SMARCC1: variants seen among roughly 807,000 people sequenced by gnomAD.
The protein encoded by SMARCC1 is SWI/SNF complex subunit SMARCC1.
In SMARCC1, 43 loss-of-function variants were observed where a neutral mutation model predicts 147.4. That is an observed-to-expected ratio of 0.29 (90% confidence interval 0.23 to 0.38). SMARCC1 has a LOEUF of 0.38. Among genes scored for constraint, SMARCC1 ranks in the 10% least tolerant of loss-of-function variants. SMARCC1 has a pLI of 1.00. For synonymous variants in SMARCC1, 495 were observed against 484.4 expected (o/e 1.02, Z -0.29); for missense variants, 1,119 against 1,381.1 (o/e 0.81, Z 3.01).
intron 2 of SMARCC1, among the ~76,000 whole-genome samples, chr3:47,749,358 T>C (rs1218913862): frequency 1.3e-5 from 2 of 151,406 alleles, no homozygotes; most frequent in African/African-American, 2.4e-5. Flanking sequence ...TAAATATATA[T>C]AAAATTTTAA....
chr3:47,770,298 C>G (rs1170741339), intron 2 of SMARCC1, among the ~76,000 whole-genome samples: 1 of 151,724 alleles, frequency 6.6e-6, no homozygotes. Context: ...AAAGCCAAGG[C>G]AGGAAGATCA....
At chr3:47,707,136 G>A (rs1213789085) in intron 9 of SMARCC1, among the ~76,000 whole-genome samples, 2 of 151,762 alleles carry the variant, frequency 1.3e-5, no homozygotes, top group South Asian at 4.2e-4. Flanking sequence ...CACAGGGAAA[G>A]CCCATCTCTA....
At chr3:47,700,697 A>G (rs574566340) in intron 11 of SMARCC1, among the ~76,000 whole-genome samples, 3 of 152,116 alleles carry the variant, frequency 2.0e-5, no homozygotes, top group South Asian at 4.2e-4. Flanking sequence ...GCTAATTTCT[A>G]TATTTTTAGT....
chr3:47,587,367 T>TG lies in SMARCC1; in HGVS notation c.*841dup, dbSNP rs889861159. On this transcript the variant is annotated 3_prime_UTR_variant, in exon 28 of 28. Transcript: ENST00000254480. ...CAGGCTAGTTGAGGAAACTAAGGAATGCCTCCCAATATTCCAACCCTCAAA... is the reference window on the plus strand; with the variant it reads ...CAGGCTAGTTGAGGAAACTAAGGAATGGCCTCCCAATATTCCAACCCTCAAA... 6.6e-6 allele frequency: 1 copy of TG among 152,182 alleles called. No individual in the cohort carries two copies. The highest frequency in any genetic ancestry group is 1.5e-5 in the Non-Finnish European group (1 of 68,042). 9.4% of individuals were successfully genotyped at this position (152,182 alleles called of 1,614,324 possible).
At chr3:47,659,198 A>C (rs1161733445) in intron 21 of SMARCC1, among the ~76,000 whole-genome samples, 1 of 151,436 alleles carries the variant, frequency 6.6e-6, no homozygotes, top group Admixed American at 6.6e-5. Flanking sequence ...CGATGGCTTT[A>C]CCAGTGAATA....
intron 6 of SMARCC1, among the ~76,000 whole-genome samples, chr3:47,721,339 T>C (rs988848747): frequency 1.3e-5 from 2 of 152,184 alleles, no homozygotes; most frequent in African/African-American, 4.8e-5. Context: ...TGATTACATA[T>C]TGTAGACTTT....
chr3:47,648,554 G>T (rs1398611171), intron 21 of SMARCC1, among the ~76,000 whole-genome samples: 1 of 151,550 alleles, frequency 6.6e-6, no homozygotes, highest in Non-Finnish European at 1.5e-5. Flanking sequence ...ATCTGGCTAG[G>T]TTTTTTTTCT....
intron 2 of SMARCC1, among the ~76,000 whole-genome samples, chr3:47,747,618 T>C (rs2034580882): frequency 6.6e-6 from 1 of 150,674 alleles, no homozygotes; most frequent in Non-Finnish European, 1.5e-5. Flanking sequence ...GGTGACAGAG[T>C]GTGACCTTAT....
intron 16 of SMARCC1, among the ~76,000 whole-genome samples, chr3:47,677,401 GTTT>G (rs34045811): frequency 5.7e-5 from 8 of 141,030 alleles, no homozygotes; most frequent in Admixed American, 1.4e-4. Flanking sequence ...ATGCCTGGCC[GTTT>G]TTTTTTTTTT....
At chr3:47,701,210 A>C in intron 11 of SMARCC1, 68 bp downstream of exon 11, 1 of 1,372,260 alleles carries the variant, frequency 7.3e-7, no homozygotes, top group Non-Finnish European at 1.0e-6. Flanking sequence ...GCAAGCAATG[A>C]ATCATCCCAT....
chr3:47,744,065 C>T (rs963302992), intron 3 of SMARCC1, among the ~76,000 whole-genome samples: 5 of 152,108 alleles, frequency 3.3e-5, no homozygotes, highest in Non-Finnish European at 5.9e-5. Flanking sequence ...GGAATACCAT[C>T]GTGAGAGGTC....
chr3:47,641,975 G>A (rs916613345), intron 21 of SMARCC1, among the ~76,000 whole-genome samples: 5 of 152,034 alleles, frequency 3.3e-5, no homozygotes, highest in African/African-American at 9.7e-5. Flanking sequence ...TAGTTTCACC[G>A]TAATGCTCAG....
chr3:47,753,325 C>CA (rs35435595), intron 2 of SMARCC1, among the ~76,000 whole-genome samples: 32,779 of 92,554 alleles, frequency 0.35, 4,602 homozygotes, highest in South Asian at 0.47. Flanking sequence ...ACTCCATCTC[C>CA]AAAAAAAAAA....
chr3:47,776,125 G>A (rs2034972223), intron 1 of SMARCC1, among the ~76,000 whole-genome samples: 2 of 152,270 alleles, frequency 1.3e-5, no homozygotes, highest in Non-Finnish European at 2.9e-5. Context: ...TCAAGCCTGG[G>A]TGACAAAGCG....
At chr3:47,600,997 A>AGGAGAG (rs1559622849) in intron 26 of SMARCC1, among the ~76,000 whole-genome samples, 6 of 28,880 alleles carry the variant, frequency 2.1e-4, no homozygotes, top group Non-Finnish European at 3.4e-4. Context: ...GAGGAAGAAA[A>AGGAGAG]TGAGAGAGAG....
intron 11 of SMARCC1, among the ~76,000 whole-genome samples, chr3:47,694,071 C>T (rs754487775): frequency 3.9e-5 from 6 of 152,180 alleles, no homozygotes; most frequent in Non-Finnish European, 7.3e-5. Context: ...CACGGACCTT[C>T]TTTCCATGTA....
At chr3:47,659,300 A>G (rs2106732496) in intron 21 of SMARCC1, among the ~76,000 whole-genome samples, 1 of 151,402 alleles carries the variant, frequency 6.6e-6, no homozygotes, top group Non-Finnish European at 1.5e-5. Flanking sequence ...AAAGAAAAAA[A>G]AAAGAACAAT....
intron 27 of SMARCC1, among the ~76,000 whole-genome samples, chr3:47,590,307 T>A (rs570495106): frequency 1.3e-5 from 2 of 152,212 alleles, no homozygotes; most frequent in Non-Finnish European, 2.9e-5. Context: ...GAACCCTGTA[T>A]CCACAAAAGG....
chr3:47,672,828 G>A (rs1371938014), intron 18 of SMARCC1, among the ~76,000 whole-genome samples: 1 of 152,086 alleles, frequency 6.6e-6, no homozygotes, highest in Non-Finnish European at 1.5e-5. Flanking sequence ...ACCCAGGCTG[G>A]AGTGCAGTGT....
Sources: allele counts gnomAD v4.1 joint callset (sites outside exome capture counted in the v4.1 genomes callset), GRCh38; gene constraint gnomAD v4.1.1; transcripts MANE v1.5; gene names NCBI Gene and HGNC (gene_info 2026-07-23, HGNC 2026-07-21).